TRIM37: variants seen among roughly 807,000 people sequenced by gnomAD.
The protein encoded by TRIM37 is tripartite motif containing 37, also known as E3 ubiquitin-protein ligase TRIM37.
In TRIM37, 80 loss-of-function variants were observed where a neutral mutation model predicts 129.8. That is an observed-to-expected ratio of 0.62 (90% CI 0.51 to 0.74). The LOEUF is 0.74. Ranked by LOEUF, TRIM37 falls within the 30% of genes least tolerant of loss-of-function variation. The pLI, the probability that TRIM37 is intolerant of heterozygous loss-of-function variation, is 0.00. For synonymous variants in TRIM37, 389 were observed against 387.1 expected, an observed-to-expected ratio of 1.00 and a Z score of -0.06; for missense variants, 1,054 against 1,176.5, an observed-to-expected ratio of 0.90 and a Z score of 1.52.
intron 22 of TRIM37, among the ~76,000 whole-genome samples, chr17:59,010,806 C>G (rs1262741704): frequency 6.6e-6 from 1 of 152,084 alleles, no homozygotes; most frequent in African/African-American, 2.4e-5. Context: ...GAAAAATGAG[C>G]TTGTAATTCC....
chr17:59,025,956 T>C, intron 19 of TRIM37, among the ~76,000 whole-genome samples: 1 of 152,358 alleles, frequency 6.6e-6, no homozygotes, highest in East Asian at 1.9e-4. Context: ...CTTTATTCAT[T>C]CTACTAAATT....
At chr17:59,066,711 T>C (rs1180134336) in intron 9 of TRIM37, among the ~76,000 whole-genome samples, 1 of 152,116 alleles carries the variant, frequency 6.6e-6, no homozygotes, top group Non-Finnish European at 1.5e-5. Flanking sequence ...CTAGGGAAAA[T>C]TTTTTGGACA....
At position 59,081,090 on chromosome 17, in the gene TRIM37, G is replaced by A. The variant is rs754455461; in HGVS notation, c.492+7C>T. On this transcript the variant is annotated splice_region_variant and intron_variant, in intron 6 of 23. Transcript: ENST00000262294. Reference sequence around the variant, plus strand: ...ACAAAATAATTATATTTTAGTAGTAGTCTTACCACTTCTTGAACTAAGCTG... The same window carrying A: ...ACAAAATAATTATATTTTAGTAGTAATCTTACCACTTCTTGAACTAAGCTG... 1.9e-6 allele frequency: 3 copies of A among 1,601,824 alleles called. No homozygotes were observed. The highest frequency in any genetic ancestry group is 2.6e-6 in the Non-Finnish European group (3 of 1,171,242).
downstream of TRIM37, among the ~76,000 whole-genome samples, chr17:58,994,754 T>C (rs377720556): frequency 3.6e-3 from 543 of 151,546 alleles, 1 homozygote; most frequent in Middle Eastern, 6.8e-3. Flanking sequence ...TTCTTTCTTT[T>C]TTTTTTTTTT....
chr17:59,098,668 T>TAA (rs57583644), intron 2 of TRIM37, among the ~76,000 whole-genome samples: 88 of 103,752 alleles, frequency 8.5e-4, no homozygotes, highest in East Asian at 3.0e-3. Flanking sequence ...CTGTCTCATT[T>TAA]AAAAAAAAAA....
chr17:59,022,497 G>T (rs1461558157), intron 19 of TRIM37, among the ~76,000 whole-genome samples: 3 of 152,224 alleles, frequency 2.0e-5, no homozygotes, highest in African/African-American at 7.2e-5. Context: ...AGGCTCTGAA[G>T]TTCAAGTTTT....
At chr17:59,088,518 T>A (rs1249737509) in intron 3 of TRIM37, 111 bp from the exon 4 acceptor site, 20 of 260,492 alleles carry the variant, frequency 7.7e-5, no homozygotes, top group Non-Finnish European at 1.5e-4. Context: ...CATAACACTA[T>A]TTTTTTTTTT....
chr17:59,091,217 G>T, intron 3 of TRIM37, 83 bp downstream of exon 3: 2 of 1,035,372 alleles, frequency 1.9e-6, no homozygotes, highest in Non-Finnish European at 1.4e-6. Context: ...GCAGACTGCA[G>T]GAAAACTGCC....
intron 12 of TRIM37, among the ~76,000 whole-genome samples, chr17:59,058,712 A>G (rs944964800): frequency 1.3e-5 from 2 of 151,818 alleles, no homozygotes; most frequent in African/African-American, 4.8e-5. Context: ...AAAAACAAAA[A>G]AATTAGCTGG....
intron 19 of TRIM37, among the ~76,000 whole-genome samples, chr17:59,022,707 A>G (rs952363432): frequency 6.6e-6 from 1 of 152,238 alleles, no homozygotes; most frequent in African/African-American, 2.4e-5. Context: ...AATGTTAGCC[A>G]TTATTGGTAT....
chr17:59,099,412 T>C (rs1469558824), intron 2 of TRIM37, among the ~76,000 whole-genome samples: 1 of 152,008 alleles, frequency 6.6e-6, no homozygotes, highest in Non-Finnish European at 1.5e-5. Context: ...TTTTAATGGG[T>C]ACAGACTTTC....
At chr17:59,098,668 TA>T (rs57583644) in intron 2 of TRIM37, among the ~76,000 whole-genome samples, 2,157 of 103,752 alleles carry the variant, frequency 0.021, 43 homozygotes, top group African/African-American at 0.062. Context: ...CTGTCTCATT[TA>T]AAAAAAAAAA....
chr17:59,102,502 CAATAA>C (rs1762593944), intron 2 of TRIM37, among the ~76,000 whole-genome samples: 1 of 152,224 alleles, frequency 6.6e-6, no homozygotes, highest in Middle Eastern at 3.4e-3. Flanking sequence ...GCTATTTTAA[CAATAA>C]AATAACACCT....
At chr17:58,971,863 C>A in the TRIM37 span, among the ~76,000 whole-genome samples, 2 of 152,200 alleles carry the variant, frequency 1.3e-5, no homozygotes, top group African/African-American at 4.8e-5. Flanking sequence ...ACATAACCTG[C>A]CATAGTTTTC....
At chr17:58,994,189 A>G (rs2032739523), downstream of TRIM37, among the ~76,000 whole-genome samples, 1 of 152,162 alleles carries the variant, frequency 6.6e-6, no homozygotes. Context: ...ACTGTTACCA[A>G]TATAGACTCA....
At chr17:59,007,906 A>G (rs1598852704) in intron 22 of TRIM37, among the ~76,000 whole-genome samples, 1 of 152,366 alleles carries the variant, frequency 6.6e-6, no homozygotes, top group Middle Eastern at 3.4e-3. Context: ...CCCCACAGTG[A>G]TATGACACCG....
At chr17:58,986,523 CTTTTTT>C (rs2031833259) in intron 24 of TRIM37, among the ~76,000 whole-genome samples, 1 of 84,842 alleles carries the variant, frequency 1.2e-5, no homozygotes, top group African/African-American at 4.4e-5. Flanking sequence ...TTTTTTTTTT[CTTTTTT>C]GAGACAAGAG....
intron 1 of TRIM37, among the ~76,000 whole-genome samples, chr17:59,105,091 CAA>C (rs35249068): frequency 9.0e-5 from 11 of 122,648 alleles, no homozygotes; most frequent in Admixed American, 1.8e-4. Flanking sequence ...GATTCTGTCT[CAA>C]AAAAAAAAAA....
chr17:59,084,106 G>T lies in TRIM37; in HGVS notation c.282-17C>A. 1.3e-6 allele frequency: 2 copies of T among 1,585,396 alleles called. No homozygotes were observed. The highest frequency in any genetic ancestry group is 1.7e-6 in the Non-Finnish European group (2 of 1,155,738). The stretch of plus-strand genomic sequence containing the variant: ...TTTTCACATCTATACATTATGAAAA[G>T]AAAATGAAGTTATAAATTAAATTGG... On this transcript the variant is annotated splice_polypyrimidine_tract_variant and intron_variant, in intron 4 of 23. Transcript: ENST00000262294.
Sources: allele counts gnomAD v4.1 joint callset (sites outside exome capture counted in the v4.1 genomes callset), GRCh38; gene constraint gnomAD v4.1.1; transcripts MANE v1.5; gene names NCBI Gene and HGNC (gene_info 2026-07-23, HGNC 2026-07-21).